Variants in ACTC1 observed in about 807,000 individuals in gnomAD.
ACTC1 encodes actin alpha cardiac muscle 1, also known as actin, alpha cardiac muscle 1.
In ACTC1, 10 loss-of-function variants were observed where a neutral mutation model predicts 31.6. The ratio of observed to expected loss-of-function variants is 0.32; its 90% CI spans 0.19 to 0.54. The LOEUF (loss-of-function observed/expected upper bound fraction) is 0.54. Ranked by LOEUF, ACTC1 falls within the 20% of genes least tolerant of loss-of-function variation. ACTC1 has a pLI of 0.95. For synonymous variants in ACTC1, 196 were observed against 185.0 expected, an observed-to-expected ratio of 1.06 and a Z score of -0.48; for missense variants, 129 against 506.4, an observed-to-expected ratio of 0.25 and a Z score of 7.15.
Position 34,794,781 on chromosome 15 carries a change from G to T in ACTC1, c.28C>A (p.Leu10Met), listed in dbSNP as rs397517057. ...AGCCCAGAGCCGTTGTCGCACACCA[G>T]GGCGGTGGTCTCCTCGTCGTCACAC... is the stretch of plus-strand genomic sequence containing the variant. Reference protein sequence around the residue: MCDDEETTALVCDNGSGLVK... With the variant: MCDDEETTAMVCDNGSGLVK... The change falls in exon 2 of 7, where the codon CTG becomes ATG. Residue 10 changes from leucine to methionine, a missense_variant. Leu to Met is a conservative substitution (Grantham distance 15, BLOSUM62 2). Coordinates refer to ENST00000290378, the MANE Select transcript of ACTC1 (RefSeq NM_005159.5). 61 of 1,613,586 alleles carry T rather than the reference G, an allele frequency of 3.8e-5. No homozygotes were observed. Among genetic ancestry groups the T allele is most frequent in the Admixed American group, 6.7e-5 (4 of 59,998 alleles).
chr15:34,794,291 G>A (rs1369964408), intron 2 of ACTC1, among the ~76,000 whole-genome samples: 1 of 152,242 alleles, frequency 6.6e-6, no homozygotes, highest in Non-Finnish European at 1.5e-5. Context: ...AGAGAGGAAT[G>A]TGGATTTGGT....
chr15:34,791,414 T>C, intron 5 of ACTC1, 119 bp from the exon 6 acceptor site: 1 of 1,326,788 alleles, frequency 7.5e-7, no homozygotes, highest in Admixed American at 1.9e-5. Context: ...GTGGGGGAGC[T>C]GTCACCATTT....
Position 34,792,667 on chromosome 15 carries a change from C to G in ACTC1, c.455-98G>C. ...CGCTTCCAATCTTGGCTAAGAGATG[C>G]TAGCAATGGGCATTGATCCAGATAA... On this transcript the variant is annotated intron_variant, in intron 3 of 6. Transcript: ENST00000290378. The surrounding 1 kb of genome is among the most constrained non-coding windows in gnomAD (Gnocchi z 5.3). 7.8e-7 allele frequency: 1 copy of G among 1,280,844 alleles called. No individual in the cohort carries two copies. The highest frequency in any genetic ancestry group is 1.1e-6 in the Non-Finnish European group (1 of 884,712). 79.3% of individuals were successfully genotyped at this position (1,280,844 alleles called of 1,614,324 possible). A position where few individuals can be genotyped will look rare whatever the true frequency, so the allele number is the denominator to read the frequency against.
At position 34,792,052 on chromosome 15, in the gene ACTC1, G is replaced by A; in HGVS notation, c.808+38C>T. The A allele has an allele frequency of 1.2e-6, 2 of 1,609,996 alleles. No individual in the cohort carries two copies. Among genetic ancestry groups the A allele is most frequent in the Non-Finnish European group, 1.7e-6 (2 of 1,177,038 alleles). On this transcript the variant is annotated intron_variant, in intron 5 of 6. Transcript: ENST00000290378. The surrounding 1 kb of genome is among the most constrained non-coding windows in gnomAD (Gnocchi z 5.3). ...ACTCTGGGAGACCCTAAGATTTCCAGGGAAAATCGTGCCTCTGCACCAGAC... is the reference window on the plus strand; with the variant it reads ...ACTCTGGGAGACCCTAAGATTTCCAAGGAAAATCGTGCCTCTGCACCAGAC...
rs1253870568 is a variant in ACTC1, at chr15:34,795,522, C to G, written c.-39G>C. On this transcript the variant is annotated 5_prime_UTR_variant, in exon 1 of 7. Transcript: ENST00000290378. The stretch of plus-strand genomic sequence containing the variant: ...CTGACTCACCGTCGGCGGGGCGGGT[C>G]GGCTCGGCTCCGGCGGCAGCGGGCT... 1 of 152,518 alleles carries G rather than the reference C, an allele frequency of 6.6e-6. No individual in the cohort carries two copies. Among genetic ancestry groups the G allele is most frequent in the East Asian group, 1.9e-4 (1 of 5,176 alleles). The allele number at this position is 152,518 out of a possible 1,614,324, so 9.4% of individuals were successfully genotyped here.
rs748380799 is a variant in ACTC1, at chr15:34,794,809, C to T, written c.-1G>A. 2.5e-6 allele frequency: 4 copies of T among 1,613,008 alleles called. No individual in the cohort carries two copies. The highest frequency in any genetic ancestry group is 4.5e-5 in the East Asian group (2 of 44,836). ...CGGTGGTCTCCTCGTCGTCACACAT[C>T]TTGGCACAGCTTCAGGGGGTTCTGC... On this transcript the variant is annotated 5_prime_UTR_variant, in exon 2 of 7. Coordinates refer to ENST00000290378, the MANE Select transcript of ACTC1 (RefSeq NM_005159.5).
intron 6 of ACTC1, 62 bp downstream of exon 6, chr15:34,791,052 A>AC: frequency 1.4e-6 from 2 of 1,470,182 alleles, no homozygotes; most frequent in Non-Finnish European, 1.9e-6. Context: ...GGAATTTGGA[A>AC]CGTAGTTCTG....
chr15:34,791,025 CTG>C (rs1419337384), intron 6 of ACTC1, 87 bp downstream of exon 6: 4 of 1,261,006 alleles, frequency 3.2e-6, no homozygotes, highest in Non-Finnish European at 4.4e-6. Context: ...AGACAAGAAA[CTG>C]AGTATGAGGG....
At position 34,793,735 on chromosome 15, in the gene ACTC1, T is replaced by C. The variant is rs1891757084; in HGVS notation, c.130-166A>G. Among the ~76,000 whole-genome samples the C allele has an allele frequency of 1.3e-5, 2 of 152,164 alleles. No homozygotes were observed. The highest frequency in any genetic ancestry group is 4.8e-5 in the African/African-American group (2 of 41,438). ...TTTAGAAGAATTATTTAAAAATCAA[T>C]CTTCTACCTTCTCCCCACTCCCCCA... On this transcript the variant is annotated intron_variant, in intron 2 of 6. Coordinates refer to ENST00000290378, the MANE Select transcript of ACTC1 (RefSeq NM_005159.5). This position sits in a 1 kb window ranked among gnomAD's most constrained non-coding sequence, Gnocchi z 4.8.
rs193056424 is a variant in ACTC1 at position 34,792,878 on chromosome 15, A to G, written c.455-309T>C. 7.9e-6 allele frequency: 4 copies of G among 507,356 alleles called. No homozygotes were observed. Among genetic ancestry groups the G allele is most frequent in the Admixed American group, 3.2e-5 (1 of 30,986 alleles). 31.4% of individuals were successfully genotyped at this position (507,356 alleles called of 1,614,324 possible). A position where few individuals can be genotyped will look rare whatever the true frequency, so the allele number is the denominator to read the frequency against. ...CCCAAGGGTGTTTTTCTTTGCTCCT[A>G]TTGAACTTACACGTTTCTCTCTCTT... is the stretch of plus-strand genomic sequence containing the variant. On this transcript the variant is annotated intron_variant, in intron 3 of 6. Coordinates refer to ENST00000290378, the MANE Select transcript of ACTC1 (RefSeq NM_005159.5). This position sits in a 1 kb window ranked among gnomAD's most constrained non-coding sequence, Gnocchi z 5.3.
intron 5 of ACTC1, chr15:34,791,814 A>C: frequency 2.1e-6 from 1 of 468,710 alleles, no homozygotes; most frequent in South Asian, 2.2e-5. Flanking sequence ...GCTCTTGTGA[A>C]CTAGCCCTTT....
chr15:34,790,306 C>T lies in ACTC1; in HGVS notation c.*106G>A. 1 of 1,443,634 alleles carries T rather than the reference C, an allele frequency of 6.9e-7. No homozygotes were observed. Among genetic ancestry groups the T allele is most frequent in the Non-Finnish European group, 9.7e-7 (1 of 1,027,950 alleles). 89.4% of individuals were successfully genotyped at this position (1,443,634 alleles called of 1,614,324 possible). A position where few individuals can be genotyped will look rare whatever the true frequency, so the allele number is the denominator to read the frequency against. ...CACAAACAAATTGCACGTGTGTAAACAAACTGTACAATGATTGATGAAAGA... is the reference window on the plus strand; with the variant it reads ...CACAAACAAATTGCACGTGTGTAAATAAACTGTACAATGATTGATGAAAGA... On this transcript the variant is annotated 3_prime_UTR_variant, in exon 7 of 7. Coordinates refer to ENST00000290378, the MANE Select transcript of ACTC1 (RefSeq NM_005159.5).
Position 34,793,587 on chromosome 15 carries a change from G to C in ACTC1, c.130-18C>G. 6.2e-7 allele frequency: 1 copy of C among 1,609,658 alleles called. No individual in the cohort carries two copies. Reference sequence around the variant, plus strand: ...ATAACTCCCTATGAGAAGAAAAAATGAGAAAATCATGCTCTCACCATGTCA... The same window carrying C: ...ATAACTCCCTATGAGAAGAAAAAATCAGAAAATCATGCTCTCACCATGTCA... On this transcript the variant is annotated intron_variant, in intron 2 of 6. Coordinates refer to ENST00000290378, the MANE Select transcript of ACTC1 (RefSeq NM_005159.5). This position sits in a 1 kb window ranked among gnomAD's most constrained non-coding sequence, Gnocchi z 4.8.
In ACTC1 at chr15:34,792,587, C is replaced by A; in HGVS notation, c.455-18G>T. The A allele has an allele frequency of 6.2e-7, 1 of 1,614,108 alleles. No individual in the cohort carries two copies. The highest frequency in any genetic ancestry group is 8.5e-7 in the Non-Finnish European group (1 of 1,179,986). On this transcript the variant is annotated intron_variant, in intron 3 of 6. Coordinates refer to ENST00000290378, the MANE Select transcript of ACTC1 (RefSeq NM_005159.5). This position sits in a 1 kb window ranked among gnomAD's most constrained non-coding sequence, Gnocchi z 5.3. Reference sequence around the variant, plus strand: ...AACAATGCCTGCCCGGGGAAGTAGACAAGAACAAGGTAAATTCCTGAGGAC... The same window carrying A: ...AACAATGCCTGCCCGGGGAAGTAGAAAAGAACAAGGTAAATTCCTGAGGAC...
chr15:34,790,231 A>T lies in ACTC1; in HGVS notation c.*181T>A, dbSNP rs1163194546. The stretch of plus-strand genomic sequence containing the variant: ...CCAAAAACAAACGAGAGGCTTTTAT[A>T]GGTTGCAAGTCCTGGTCTGGTTTAT... On this transcript the variant is annotated 3_prime_UTR_variant, in exon 7 of 7. Transcript: ENST00000290378. 2 of 788,556 alleles carry T rather than the reference A, an allele frequency of 2.5e-6. No individual in the cohort carries two copies. The highest frequency in any genetic ancestry group is 4.1e-6 in the Non-Finnish European group (2 of 491,878). The allele number at this position is 788,556 out of a possible 1,614,324, so 48.8% of individuals were successfully genotyped here.
rs1335259862 is a variant in ACTC1, at chr15:34,794,810, T to G, written c.-2A>C. ...GGTGGTCTCCTCGTCGTCACACATCTTGGCACAGCTTCAGGGGGTTCTGCA... is the reference window on the plus strand; with the variant it reads ...GGTGGTCTCCTCGTCGTCACACATCGTGGCACAGCTTCAGGGGGTTCTGCA... On this transcript the variant is annotated 5_prime_UTR_variant, in exon 2 of 7. Coordinates refer to ENST00000290378, the MANE Select transcript of ACTC1 (RefSeq NM_005159.5). 6 of 1,612,952 alleles carry G rather than the reference T, an allele frequency of 3.7e-6. No individual in the cohort carries two copies. Among genetic ancestry groups the G allele is most frequent in the Non-Finnish European group, 4.2e-6 (5 of 1,179,268 alleles).
chr15:34,793,168 T>G lies in ACTC1; in HGVS notation c.454+77A>C. The G allele has an allele frequency of 2.1e-6, 3 of 1,450,560 alleles. No individual in the cohort carries two copies. Among genetic ancestry groups the G allele is most frequent in the South Asian group, 2.4e-5 (2 of 85,074 alleles). 89.9% of individuals were successfully genotyped at this position (1,450,560 alleles called of 1,614,324 possible). On this transcript the variant is annotated intron_variant, in intron 3 of 6. Coordinates refer to ENST00000290378, the MANE Select transcript of ACTC1 (RefSeq NM_005159.5). The surrounding 1 kb of genome is among the most constrained non-coding windows in gnomAD (Gnocchi z 4.8). ...GGAAAGGGATTATCCCTTTTTCAAC[T>G]GGGGGATCTGATTCACAGCAAGGTC...
chr15:34,790,916 A>G (rs1018492811), intron 6 of ACTC1, among the ~76,000 whole-genome samples, 198 bp downstream of exon 6: 1 of 151,988 alleles, frequency 6.6e-6, no homozygotes. Flanking sequence ...ATTTATTTTT[A>G]TTCACTGCTT....
At chr15:34,790,877 C>CGT (rs201506436) in intron 6 of ACTC1, among the ~76,000 whole-genome samples, 2 of 151,916 alleles carry the variant, frequency 1.3e-5, no homozygotes, top group Non-Finnish European at 2.9e-5. Context: ...GATTTTGTTG[C>CGT]GTGTGTGTGT....
Sources: allele counts gnomAD v4.1 joint callset (sites outside exome capture counted in the v4.1 genomes callset), GRCh38; gene constraint gnomAD v4.1.1; non-coding constraint Gnocchi (gnomAD v3.1); transcripts MANE v1.5; gene names NCBI Gene and HGNC (gene_info 2026-07-23, HGNC 2026-07-21).